ANKS1B: variants seen among roughly 807,000 people sequenced by gnomAD.
ANKS1B encodes ankyrin repeat and sterile alpha motif domain-containing protein 1B.
ANKS1B carries 36 observed loss-of-function variants against 148.3 expected under a neutral mutation model. The observed-to-expected ratio is 0.24, with a 90% CI of 0.19 to 0.32. The LOEUF (loss-of-function observed/expected upper bound fraction) is 0.32. ANKS1B is among the 10% of genes least tolerant of loss of function. ANKS1B has a pLI of 1.00. For missense variants in ANKS1B, 1,157 were observed against 1,542.6 expected (o/e 0.75, Z 4.19); for synonymous variants, 542 against 560.8 (o/e 0.97, Z 0.47).
At chr12:99,711,016 C>A (rs1160733399) in intron 8 of ANKS1B, among the ~76,000 whole-genome samples, 1 of 152,138 alleles carries the variant, frequency 6.6e-6, no homozygotes, top group Admixed American at 6.6e-5. Context: ...TCTCCCTCAA[C>A]TCCTGCAGCC....
At chr12:98,818,235 T>G (rs1353470018) in intron 19 of ANKS1B, among the ~76,000 whole-genome samples, 1 of 146,706 alleles carries the variant, frequency 6.8e-6, no homozygotes, top group Non-Finnish European at 1.5e-5. Flanking sequence ...CTTCCTTAAC[T>G]CTAATTCTGG....
chr12:98,735,310 A>G (rs1439451476), exon 10 of ANKS1B: 2 of 403,316 alleles, frequency 5.0e-6, no homozygotes, highest in Non-Finnish European at 8.7e-6. Context: ...TGTCTCTTGT[A>G]TGTTTTGAAA....
chr12:99,645,128 A>G (rs1031854940), intron 9 of ANKS1B, among the ~76,000 whole-genome samples: 1 of 152,228 alleles, frequency 6.6e-6, no homozygotes, highest in Non-Finnish European at 1.5e-5. Flanking sequence ...TATTCTGTAA[A>G]CCACAGCCAT....
chr12:99,584,559 T>C lies in ANKS1B; in HGVS notation c.1272+70508A>G, dbSNP rs990700998. Reference sequence around the variant, plus strand: ...CTGCAGCGAGCTGTGACTGCATCACTGTACTCCAGCCTGGGTGACACAGCA... The same window carrying C: ...CTGCAGCGAGCTGTGACTGCATCACCGTACTCCAGCCTGGGTGACACAGCA... On this transcript the variant is annotated intron_variant, in intron 9 of 26. Coordinates refer to ENST00000683438, the MANE Select transcript of ANKS1B (RefSeq NM_001352186.2). Among the ~76,000 whole-genome samples the C allele has an allele frequency of 9.2e-5, 14 of 152,306 alleles. No homozygotes were observed. In the East Asian group the frequency reaches 2.1e-3, roughly 23 times the overall value.
intron 11 of ANKS1B, among the ~76,000 whole-genome samples, chr12:99,440,059 G>C (rs1471294676): frequency 2.0e-5 from 3 of 151,632 alleles, no homozygotes; most frequent in Non-Finnish European, 4.4e-5. Context: ...CTCACCATAG[G>C]ATTCCATTTA....
chr12:99,257,151 G>A (rs1203934252), intron 12 of ANKS1B, among the ~76,000 whole-genome samples: 1 of 152,132 alleles, frequency 6.6e-6, no homozygotes, highest in East Asian at 1.9e-4. Context: ...GGCTGAGGCA[G>A]GAGAATGGCG....
At chr12:99,222,894 T>G (rs938912384) in intron 14 of ANKS1B, among the ~76,000 whole-genome samples, 5 of 152,224 alleles carry the variant, frequency 3.3e-5, no homozygotes, top group Non-Finnish European at 7.3e-5. Flanking sequence ...AAAAATTCTT[T>G]TTTAAATTAA....
At chr12:99,409,027 G>A (rs561535722) in intron 11 of ANKS1B, among the ~76,000 whole-genome samples, 129 of 152,048 alleles carry the variant, frequency 8.5e-4, no homozygotes, top group South Asian at 2.5e-3. Context: ...AAAGTATATC[G>A]AAAACATAGC....
chr12:99,075,231 AAAGT>A (rs1008251240), intron 16 of ANKS1B, among the ~76,000 whole-genome samples: 3 of 152,178 alleles, frequency 2.0e-5, no homozygotes, highest in Admixed American at 6.6e-5. Context: ...AATGTGATTT[AAAGT>A]AAGTGATGCA....
At chr12:98,742,159 C>T (rs1323107531), downstream of ANKS1B, among the ~76,000 whole-genome samples, 3 of 152,194 alleles carry the variant, frequency 2.0e-5, no homozygotes, top group Non-Finnish European at 4.4e-5. Context: ...ATCTGATACC[C>T]GCGCTCCTCC....
chr12:99,615,518 A>G (rs1010432249), intron 9 of ANKS1B, among the ~76,000 whole-genome samples: 6 of 152,170 alleles, frequency 3.9e-5, no homozygotes, highest in African/African-American at 1.4e-4. Flanking sequence ...AATCCATCAC[A>G]TAAACAGAAC....
chr12:99,930,332 T>G (rs1406134777), intron 1 of ANKS1B, among the ~76,000 whole-genome samples: 2 of 152,140 alleles, frequency 1.3e-5, no homozygotes, highest in Non-Finnish European at 2.9e-5. Context: ...TGCTTGTGAT[T>G]TTTGTACATT....
intron 17 of ANKS1B, among the ~76,000 whole-genome samples, chr12:99,032,674 A>C (rs1192468717): frequency 6.6e-6 from 1 of 152,188 alleles, no homozygotes; most frequent in Non-Finnish European, 1.5e-5. Context: ...TATCTTTTGG[A>C]ATGCCACCAT....
chr12:99,539,828 C>G (rs964834018), intron 9 of ANKS1B, among the ~76,000 whole-genome samples: 1 of 152,166 alleles, frequency 6.6e-6, no homozygotes, highest in East Asian at 1.9e-4. Context: ...CTCACTCTGC[C>G]TGCCACAAAA....
At chr12:98,868,561 G>T (rs169298) in intron 17 of ANKS1B, among the ~76,000 whole-genome samples, 75,772 of 152,088 alleles carry the variant, frequency 0.5, 20,375 homozygotes, top group East Asian at 0.8. Context: ...ATGACATGAC[G>T]AATTGCCCCC....
At chr12:99,512,015 T>C (rs2096771363) in intron 9 of ANKS1B, among the ~76,000 whole-genome samples, 1 of 152,098 alleles carries the variant, frequency 6.6e-6, no homozygotes, top group Admixed American at 6.6e-5. Flanking sequence ...AAAGACTTCA[T>C]GCTGAAAATG....
At chr12:99,323,551 T>G (rs578120782) in intron 12 of ANKS1B, among the ~76,000 whole-genome samples, 8 of 152,214 alleles carry the variant, frequency 5.3e-5, no homozygotes, top group African/African-American at 1.4e-4. Context: ...TCTTTCTTAC[T>G]TTCATGTCTT....
At position 99,722,549 on chromosome 12, in the gene ANKS1B, G is replaced by C. The variant is rs926404685; in HGVS notation, c.1128+50373C>G. 6.4e-4 allele frequency among the ~76,000 whole-genome samples: 98 copies of C among 152,310 alleles called. 1 individual carries two copies. Among genetic ancestry groups the C allele is most frequent in the African/African-American group, 2.3e-3 (95 of 41,570 alleles). On this transcript the variant is annotated intron_variant, in intron 8 of 26. Transcript: ENST00000683438. ...TGTTGAGACCTACTGCTTAAAAAAA[G>C]ATTCCTTTCAAATTATTATTGCTCA...
At position 98,832,016 on chromosome 12, in the gene ANKS1B, G is replaced by A; in HGVS notation, c.2886+13C>T. ...TAAGGGCAGAGAACCAGATGAATGT[G>A]CTTGGCACTTACCCTGAGGGTGATG... On this transcript the variant is annotated intron_variant, in intron 18 of 26. Coordinates refer to ENST00000683438, the MANE Select transcript of ANKS1B (RefSeq NM_001352186.2). 6.4e-7 allele frequency: 1 copy of A among 1,570,580 alleles called. No individual in the cohort carries two copies. The highest frequency in any genetic ancestry group is 1.2e-5 in the South Asian group (1 of 85,446).
Sources: allele counts gnomAD v4.1 joint callset (sites outside exome capture counted in the v4.1 genomes callset), GRCh38; gene constraint gnomAD v4.1.1; transcripts MANE v1.5; gene names NCBI Gene and HGNC (gene_info 2026-07-23, HGNC 2026-07-21).